Variants in STK36 observed in about 807,000 individuals in gnomAD.
The protein encoded by STK36 is serine/threonine-protein kinase 36.
In STK36, 116 loss-of-function variants were observed where a neutral mutation model predicts 142.2. The observed-to-expected ratio is 0.82, with a 90% CI of 0.70 to 0.95. The LOEUF (loss-of-function observed/expected upper bound fraction) is 0.95. STK36 is among the 40% of genes least tolerant of loss of function. STK36 has a pLI of 0.00. For missense variants in STK36, 1,422 were observed against 1,617.2 expected, an observed-to-expected ratio of 0.88 and a Z score of 2.07; for synonymous variants, 619 against 641.7, an observed-to-expected ratio of 0.96 and a Z score of 0.53.
In STK36 at chr2:218,676,166, A is replaced by G. The variant is rs1940233285; in HGVS notation, c.572A>G (p.Tyr191Cys). 1.2e-6 allele frequency: 2 copies of G among 1,614,108 alleles called. No individual in the cohort carries two copies. Among genetic ancestry groups the G allele is most frequent in the Non-Finnish European group, 1.7e-6 (2 of 1,180,018 alleles). The change falls in exon 6 of 27, where the codon TAT becomes TGT. Residue 191 changes from tyrosine (Y) to cysteine (C), a missense_variant. By Grantham distance (194) the Tyr-to-Cys change is radical. Coordinates refer to ENST00000295709, the MANE Select transcript of STK36 (RefSeq NM_015690.5). ...CTCTGGTCTGTTGGCTGCATACTAT[A>G]TGAACTGGCAGTAGGCACCCCTCCC... The part of the protein sequence containing the change: ...ADLWSVGCIL[Y>C]ELAVGTPPFY...
At chr2:218,698,034 G>T (rs141586381) in intron 25 of STK36, 33 bp downstream of exon 25, 53 of 1,613,418 alleles carry the variant, frequency 3.3e-5, no homozygotes, top group Non-Finnish European at 4.2e-5. Flanking sequence ...GGTGGGAGAG[G>T]AAGATAGCCA....
rs956571284 is a variant in STK36, at chr2:218,673,976, C to G, written c.303+20C>G. The G allele has an allele frequency of 1.2e-6, 2 of 1,608,724 alleles. No individual in the cohort carries two copies. The highest frequency in any genetic ancestry group is 2.7e-5 in the African/African-American group (2 of 74,834). On this transcript the variant is annotated intron_variant, in intron 4 of 26. Transcript: ENST00000295709. Reference sequence around the variant, plus strand: ...GACCAGGTATGCTTTCTGCCTTCAACTTCTCCCCACCTCCGACCTCTCTCC... The same window carrying G: ...GACCAGGTATGCTTTCTGCCTTCAAGTTCTCCCCACCTCCGACCTCTCTCC...
intron 4 of STK36, among the ~76,000 whole-genome samples, chr2:218,674,849 C>T (rs1283766337): frequency 6.6e-6 from 1 of 152,214 alleles, no homozygotes; most frequent in African/African-American, 2.4e-5. Context: ...ATCTGCCCGC[C>T]TCAGCCTCCC....
chr2:218,675,191 G>A, intron 4 of STK36, 152 bp from the exon 5 acceptor site: 1 of 792,664 alleles, frequency 1.3e-6, no homozygotes, highest in Non-Finnish European at 1.9e-6. Flanking sequence ...GATTAAACAA[G>A]GGGAACAATA....
intron 2 of STK36, chr2:218,673,232 T>C (rs1940070635): frequency 2.6e-6 from 1 of 389,010 alleles, no homozygotes; most frequent in Non-Finnish European, 4.6e-6. Context: ...AATCACTTAG[T>C]ACAGTGCCTG....
chr2:218,679,059 C>A, intron 6 of STK36, 109 bp from the exon 7 acceptor site: 1 of 1,010,914 alleles, frequency 9.9e-7, no homozygotes, highest in Non-Finnish European at 1.5e-6. Context: ...AAGAGCAGCT[C>A]ATCTGCTGTG....
At chr2:218,679,845 A>G (rs749394655) in intron 8 of STK36, 48 bp from the exon 9 acceptor site, 6 of 1,605,572 alleles carry the variant, frequency 3.7e-6, no homozygotes, top group African/African-American at 2.7e-5. Flanking sequence ...ATATTGTCCT[A>G]TAGCAATCAA....
At chr2:218,697,262 A>G in intron 23 of STK36, 49 bp downstream of exon 23, 4 of 1,574,170 alleles carry the variant, frequency 2.5e-6, no homozygotes, top group African/African-American at 1.4e-5. Context: ...TCTCTCTTCA[A>G]GAGGAGGCAG....
chr2:218,673,986 C>T (rs754490797), intron 4 of STK36, 30 bp downstream of exon 4: 2 of 1,598,452 alleles, frequency 1.3e-6, no homozygotes, highest in South Asian at 1.1e-5. Context: ...CTTCTCCCCA[C>T]CTCCGACCTC....
intron 11 of STK36, 29 bp downstream of exon 11, chr2:218,685,257 G>C (rs1354197104): frequency 3.1e-6 from 5 of 1,611,798 alleles, no homozygotes; most frequent in Non-Finnish European, 4.2e-6. Flanking sequence ...CTGTGGATGG[G>C]ATCAAGACTG....
intron 1 of STK36, 32 bp from the exon 2 acceptor site, chr2:218,672,709 C>G: frequency 1.1e-6 from 1 of 910,126 alleles, no homozygotes; most frequent in Middle Eastern, 2.7e-4. Context: ...GGCAAGGTGG[C>G]TAACATTTTT....
At position 218,676,251 on chromosome 2, in the gene STK36, G is replaced by A; in HGVS notation, c.657G>A (p.Trp219Ter). The A allele has an allele frequency of 6.2e-7, 1 of 1,614,182 alleles. No homozygotes were observed. The highest frequency in any genetic ancestry group is 8.5e-7 in the Non-Finnish European group (1 of 1,180,036). ...TCATTCTCAAGGACCCTGTGCGCTG[G>A]CCCTCAACCATCAGTCCCTGCTTTA... ...VSLILKDPVR[W>*]PSTISPCFKN... Residue 219 changes from tryptophan (W) to a stop codon, truncating the protein, a stop_gained, in exon 6 of 27, where the codon TGG becomes TGA. Transcript: ENST00000295709. LOFTEE classifies it high-confidence loss of function.
intron 6 of STK36, among the ~76,000 whole-genome samples, chr2:218,676,575 G>A (rs1358515979): frequency 1.3e-5 from 2 of 151,534 alleles, no homozygotes; most frequent in African/African-American, 2.4e-5. Context: ...CATGTCTTAC[G>A]TGGTGGACCA....
intron 11 of STK36, 110 bp downstream of exon 11, chr2:218,685,338 C>T: frequency 7.1e-7 from 1 of 1,414,768 alleles, no homozygotes; most frequent in Non-Finnish European, 9.7e-7. Context: ...TCCAGTTCTT[C>T]AGTCTATCTG....
chr2:218,672,535 A>C, intron 1 of STK36: 1 of 384,682 alleles, frequency 2.6e-6, no homozygotes, highest in Non-Finnish European at 4.9e-6. Context: ...GTGAGGGAGA[A>C]GGGGAACCAG....
intron 11 of STK36, among the ~76,000 whole-genome samples, chr2:218,685,959 A>G (rs918623405): frequency 1.3e-5 from 2 of 151,636 alleles, no homozygotes; most frequent in African/African-American, 4.8e-5. Flanking sequence ...TTTTTTTGAG[A>G]CGGAATCTCA....
chr2:218,684,272 C>T (rs1005811673), intron 10 of STK36, among the ~76,000 whole-genome samples: 9 of 151,670 alleles, frequency 5.9e-5, no homozygotes, highest in African/African-American at 1.2e-4. Context: ...CCACCACACC[C>T]GGCTAATTTT....
At chr2:218,673,277 G>C in intron 2 of STK36, 1 of 380,326 alleles carries the variant, frequency 2.6e-6, no homozygotes, top group Non-Finnish European at 4.7e-6. Context: ...TTAGTCTCTA[G>C]CACACCATGT....
chr2:218,682,988 C>T (rs901776111), intron 10 of STK36, among the ~76,000 whole-genome samples: 6 of 152,138 alleles, frequency 3.9e-5, no homozygotes, highest in Admixed American at 3.3e-4. Flanking sequence ...TTGAGGTACA[C>T]GTCAGTTATT....
Sources: allele counts gnomAD v4.1 joint callset (sites outside exome capture counted in the v4.1 genomes callset), GRCh38; gene constraint gnomAD v4.1.1; transcripts MANE v1.5; gene names NCBI Gene and HGNC (gene_info 2026-07-23, HGNC 2026-07-21).